PTPN1: variants seen among roughly 807,000 people sequenced by gnomAD.
PTPN1 encodes the protein protein tyrosine phosphatase non-receptor type 1, also known as tyrosine-protein phosphatase non-receptor type 1.
A neutral mutation model predicts 59.9 loss-of-function variants in PTPN1; 12 were observed. That is an observed-to-expected ratio of 0.20 (90% CI 0.13 to 0.32). The LOEUF (loss-of-function observed/expected upper bound fraction) is 0.32, where lower values mean the gene tolerates loss of function less well. Ranked by LOEUF, PTPN1 falls within the 10% of genes least tolerant of loss-of-function variation. The pLI is 1.00. For synonymous variants in PTPN1, 178 were observed against 203.6 expected, an observed-to-expected ratio of 0.87 and a Z score of 1.07; for missense variants, 356 against 549.2, an observed-to-expected ratio of 0.65 and a Z score of 3.52.
At chr20:50,523,099 G>A (rs1055772559) in intron 1 of PTPN1, among the ~76,000 whole-genome samples, 1 of 151,988 alleles carries the variant, frequency 6.6e-6, no homozygotes, top group Non-Finnish European at 1.5e-5. Context: ...ATGCCTTACC[G>A]TCTCAGATCA....
At chr20:50,551,990 A>G (rs528754202) in intron 1 of PTPN1, among the ~76,000 whole-genome samples, 1 of 152,350 alleles carries the variant, frequency 6.6e-6, no homozygotes, top group South Asian at 2.1e-4. Flanking sequence ...TTTGGTTAGC[A>G]TAATAAAAGA....
chr20:50,574,393 T>G (rs536931391), intron 4 of PTPN1, 124 bp from the exon 5 acceptor site: 729 of 1,006,326 alleles, frequency 7.2e-4, no homozygotes, highest in Middle Eastern at 6.8e-3. Context: ...TGACCATGGC[T>G]TCCATGTTCA....
intron 1 of PTPN1, among the ~76,000 whole-genome samples, chr20:50,522,156 C>T (rs372386051): frequency 6.6e-6 from 1 of 152,166 alleles, no homozygotes; most frequent in African/African-American, 2.4e-5. Context: ...CCTTCCCGCC[C>T]TTCCTCTTTT....
intron 2 of PTPN1, among the ~76,000 whole-genome samples, chr20:50,564,586 T>A (rs1389937059): frequency 6.6e-6 from 1 of 151,980 alleles, no homozygotes; most frequent in African/African-American, 2.4e-5. Context: ...AGAGTGAGAC[T>A]CTTGACTCAA....
intron 5 of PTPN1, among the ~76,000 whole-genome samples, chr20:50,576,307 A>G (rs2082836520): frequency 6.6e-6 from 1 of 152,248 alleles, no homozygotes; most frequent in Non-Finnish European, 1.5e-5. Flanking sequence ...GAATTTCAAC[A>G]GAGCAGAAGA....
At chr20:50,540,383 A>G (rs1489265635) in intron 1 of PTPN1, among the ~76,000 whole-genome samples, 1 of 152,232 alleles carries the variant, frequency 6.6e-6, no homozygotes, top group East Asian at 1.9e-4. Context: ...ACATACATTT[A>G]AACTTAACAG....
intron 1 of PTPN1, among the ~76,000 whole-genome samples, chr20:50,525,150 C>T (rs1388014405): frequency 6.6e-6 from 1 of 152,138 alleles, no homozygotes; most frequent in Admixed American, 6.5e-5. Flanking sequence ...ACCTCCGCCT[C>T]CCAGGTTCAA....
chr20:50,554,827 G>C (rs1386391154), intron 1 of PTPN1, among the ~76,000 whole-genome samples: 1 of 152,044 alleles, frequency 6.6e-6, no homozygotes, highest in Non-Finnish European at 1.5e-5. Flanking sequence ...GCCAATGGTG[G>C]AGATAAGATA....
At chr20:50,577,080 G>A (rs1038033304) in intron 5 of PTPN1, among the ~76,000 whole-genome samples, 2 of 151,978 alleles carry the variant, frequency 1.3e-5, no homozygotes, top group African/African-American at 4.8e-5. Flanking sequence ...TCCTTGTTCT[G>A]TGCCAAGATA....
rs1461099738 is a variant in PTPN1 at position 50,575,233 on chromosome 20, G to A, written c.492+579G>A. Among the ~76,000 whole-genome samples, 11 of 152,222 alleles carry A rather than the reference G, an allele frequency of 7.2e-5. No homozygotes were observed. In the East Asian group the frequency reaches 1.7e-3, roughly 24 times the overall value. ...GCTTTGGAATAATTCCCCTGGATCC[G>A]TAACTTGGGGGTGTTCATGTCATTC... On this transcript the variant is annotated intron_variant, in intron 5 of 9. Coordinates refer to ENST00000371621, the MANE Select transcript of PTPN1 (RefSeq NM_002827.4).
At position 50,510,738 on chromosome 20, in the gene PTPN1, T is replaced by TC. The variant is rs1310128486; in HGVS notation, c.63+154dup. On this transcript the variant is annotated intron_variant, in intron 1 of 9. Coordinates refer to ENST00000371621, the MANE Select transcript of PTPN1 (RefSeq NM_002827.4). ...TTCGATGGGACAGCGACGCACTGCG[T>TC]CCCCCCACCCTTTGTCCCCGGGGCG... is the stretch of plus-strand genomic sequence containing the variant. 3.5e-3 allele frequency: 3,000 copies of TC among 863,690 alleles called. 2 individuals are homozygous for TC. The highest frequency in any genetic ancestry group is 4.7e-3 in the East Asian group (144 of 30,452). 53.5% of individuals were successfully genotyped at this position (863,690 alleles called of 1,614,324 possible).
rs1028724874 is a variant in PTPN1 at position 50,582,829 on chromosome 20, G to A, written c.*114G>A. The stretch of plus-strand genomic sequence containing the variant: ...GGGCCGCCGGACCGCGTAGAGAGCC[G>A]GGCCCCGGACGGACGTTGGTTCTGC... On this transcript the variant is annotated 3_prime_UTR_variant, in exon 10 of 10. Transcript: ENST00000371621. The surrounding 1 kb of genome is among the most constrained non-coding windows in gnomAD (Gnocchi z 4.2). 21 of 1,346,434 alleles carry A rather than the reference G, an allele frequency of 1.6e-5. No individual in the cohort carries two copies. In the Admixed American group the frequency reaches 2.5e-4, roughly 16 times the overall value. 83.4% of individuals were successfully genotyped at this position (1,346,434 alleles called of 1,614,324 possible).
chr20:50,569,242 C>T (rs1183306353), intron 4 of PTPN1, among the ~76,000 whole-genome samples: 5 of 152,222 alleles, frequency 3.3e-5, no homozygotes, highest in African/African-American at 4.8e-5. Context: ...GTGTGGCTTA[C>T]GGAACCCTGC....
chr20:50,544,897 T>G (rs775953537), intron 1 of PTPN1, among the ~76,000 whole-genome samples: 128 of 152,212 alleles, frequency 8.4e-4, no homozygotes, highest in Middle Eastern at 3.4e-3. Flanking sequence ...TCCCAGCTAC[T>G]TGGAAGGCTG....
At chr20:50,527,815 C>T (rs1316660868) in intron 1 of PTPN1, among the ~76,000 whole-genome samples, 1 of 152,044 alleles carries the variant, frequency 6.6e-6, no homozygotes, top group Non-Finnish European at 1.5e-5. Flanking sequence ...TCTTTTATAT[C>T]TCCTGCTTCT....
intron 1 of PTPN1, among the ~76,000 whole-genome samples, chr20:50,538,826 C>T (rs1485248022): frequency 6.6e-6 from 1 of 152,080 alleles, no homozygotes; most frequent in African/African-American, 2.4e-5. Flanking sequence ...TTCTTTCACC[C>T]TCCTCCAGAG....
At chr20:50,569,416 TC>T (rs1483553044) in intron 4 of PTPN1, among the ~76,000 whole-genome samples, 1 of 152,218 alleles carries the variant, frequency 6.6e-6, no homozygotes, top group Non-Finnish European at 1.5e-5. Flanking sequence ...TGCCCCCAGC[TC>T]CCCAACTGCC....
intron 6 of PTPN1, among the ~76,000 whole-genome samples, 156 bp downstream of exon 6, chr20:50,578,785 C>T (rs144105290): frequency 6.6e-6 from 1 of 152,296 alleles, no homozygotes; most frequent in African/African-American, 2.4e-5. Flanking sequence ...ACCTGAGACT[C>T]GGTAATTTGT....
intron 2 of PTPN1, among the ~76,000 whole-genome samples, chr20:50,564,314 A>C (rs1283749746): frequency 6.6e-6 from 1 of 152,182 alleles, no homozygotes; most frequent in Non-Finnish European, 1.5e-5. Flanking sequence ...TATGTCAGCC[A>C]GGCATGGGTG....
Sources: allele counts gnomAD v4.1 joint callset (sites outside exome capture counted in the v4.1 genomes callset), GRCh38; gene constraint gnomAD v4.1.1; non-coding constraint Gnocchi (gnomAD v3.1); transcripts MANE v1.5; gene names NCBI Gene and HGNC (gene_info 2026-07-23, HGNC 2026-07-21).